Variants in RYR3 observed in about 807,000 individuals in gnomAD.
RYR3 encodes the protein brain ryanodine receptor-calcium release channel.
In RYR3, 207 loss-of-function variants were observed where a neutral mutation model predicts 584.3. The ratio of observed to expected loss-of-function variants is 0.35; its 90% CI spans 0.32 to 0.40. RYR3 has a LOEUF of 0.40. Ranked by LOEUF, RYR3 falls within the 10% of genes least tolerant of loss-of-function variation. RYR3 has a pLI of 1.00. For synonymous variants in RYR3, 2,416 were observed against 2,248.5 expected, an observed-to-expected ratio of 1.07 and a Z score of -2.11; for missense variants, 5,616 against 6,089.2, an observed-to-expected ratio of 0.92 and a Z score of 2.59.
At chr15:33,753,169 G>T (rs1231177845) in intron 57 of RYR3, among the ~76,000 whole-genome samples, 1 of 152,168 alleles carries the variant, frequency 6.6e-6, no homozygotes, top group Non-Finnish European at 1.5e-5. Context: ...GCAATTGCAG[G>T]TCTTTACAAA....
Position 33,652,785 on chromosome 15 carries a change from C to T in RYR3, c.4210C>T (p.Arg1404Trp), listed in dbSNP as rs367755953. 9.9e-6 allele frequency: 16 copies of T among 1,613,768 alleles called. No homozygotes were observed. In the East Asian group the frequency reaches 1.6e-4, roughly 16 times the overall value. The change falls in exon 32 of 104, where the codon CGG becomes TGG. Residue 1404 changes from arginine to tryptophan, a missense_variant. Physicochemically the swap from Arg to Trp is moderately radical, Grantham distance 101. Coordinates refer to ENST00000634891, the MANE Select transcript of RYR3 (RefSeq NM_001036.6). ...TGTAGCCAGTTCCCAGAGATCAAAT[C>T]GGAGCAACGTGGACCTGGAGATCGG... Reference protein sequence around the residue: ...DIVASSQRSNRSNVDLEIGCL... With the variant: ...DIVASSQRSNWSNVDLEIGCL...
chr15:33,772,598 G>A (rs1262313410), intron 63 of RYR3, among the ~76,000 whole-genome samples: 3 of 152,170 alleles, frequency 2.0e-5, no homozygotes, highest in Non-Finnish European at 2.9e-5. Flanking sequence ...TGAGCTTTCG[G>A]AAGACCAAAG....
At chr15:33,557,296 C>T (rs527544475) in intron 10 of RYR3, among the ~76,000 whole-genome samples, 23 of 152,306 alleles carry the variant, frequency 1.5e-4, no homozygotes, top group South Asian at 6.2e-4. Context: ...GGTGAATTCG[C>T]GTGATGGCAT....
intron 3 of RYR3, among the ~76,000 whole-genome samples, chr15:33,517,986 C>T (rs2053662169): frequency 6.6e-6 from 1 of 152,162 alleles, no homozygotes; most frequent in African/African-American, 2.4e-5. Flanking sequence ...TTTCATGGCA[C>T]AATTTTCTAG....
chr15:33,540,906 T>C lies in RYR3; in HGVS notation c.646+16T>C, dbSNP rs1167810461. 5 of 1,534,164 alleles carry C rather than the reference T, an allele frequency of 3.3e-6. No homozygotes were observed. The highest frequency in any genetic ancestry group is 3.3e-5 in the Admixed American group (2 of 59,828). On this transcript the variant is annotated intron_variant, in intron 7 of 103. Coordinates refer to ENST00000634891, the MANE Select transcript of RYR3 (RefSeq NM_001036.6). ...ATCGAAGAAGGTGTGCTTCTTTAAA[T>C]GCATTTAGCCCTGAGCCTGCCTATC...
chr15:33,436,015 T>G (rs1396329584), intron 1 of RYR3, among the ~76,000 whole-genome samples: 2 of 152,194 alleles, frequency 1.3e-5, no homozygotes, highest in Non-Finnish European at 2.9e-5. Context: ...GAGTTCTGAT[T>G]GGTCCATTTT....
At chr15:33,378,656 G>A (rs994301686) in intron 1 of RYR3, among the ~76,000 whole-genome samples, 154 of 152,256 alleles carry the variant, frequency 1.0e-3, no homozygotes, top group African/African-American at 3.7e-3. Context: ...TATTAGGACA[G>A]AAAGCAGATT....
At chr15:33,595,557 C>T (rs892615946) in intron 16 of RYR3, among the ~76,000 whole-genome samples, 7 of 152,012 alleles carry the variant, frequency 4.6e-5, no homozygotes, top group African/African-American at 1.7e-4. Flanking sequence ...TCTTACACAC[C>T]CACCTGTTTG....
At chr15:33,749,908 G>T in intron 55 of RYR3, 71 bp from the exon 56 acceptor site, 1 of 1,366,968 alleles carries the variant, frequency 7.3e-7, no homozygotes, top group South Asian at 1.2e-5. Context: ...TGCCTGAAAT[G>T]ACCTAGCAGC....
intron 1 of RYR3, among the ~76,000 whole-genome samples, chr15:33,401,822 T>C (rs1338397338): frequency 6.6e-6 from 1 of 152,186 alleles, no homozygotes; most frequent in Non-Finnish European, 1.5e-5. Flanking sequence ...TGTACCTATA[T>C]AAGTAATTTA....
At chr15:33,418,755 G>T (rs1384971817) in intron 1 of RYR3, among the ~76,000 whole-genome samples, 1 of 152,076 alleles carries the variant, frequency 6.6e-6, no homozygotes, top group Non-Finnish European at 1.5e-5. Flanking sequence ...ACACACTGGG[G>T]GTAGAGATAA....
chr15:33,728,430 TGAG>T (rs2068644200), intron 46 of RYR3, among the ~76,000 whole-genome samples: 2 of 152,252 alleles, frequency 1.3e-5, no homozygotes. Flanking sequence ...TTTTTAATAA[TGAG>T]CATGTTTAAC....
chr15:33,477,043 A>G (rs2049446463), intron 2 of RYR3, among the ~76,000 whole-genome samples: 1 of 152,188 alleles, frequency 6.6e-6, no homozygotes. Context: ...AACGAGCTGT[A>G]CCATTCTTAG....
chr15:33,842,154 C>T, intron 91 of RYR3, 119 bp downstream of exon 91: 2 of 1,109,028 alleles, frequency 1.8e-6, no homozygotes. Flanking sequence ...CTTTCTCATT[C>T]CTAAACTTTC....
chr15:33,539,051 A>G (rs909606122), intron 5 of RYR3: 2 of 189,494 alleles, frequency 1.1e-5, no homozygotes, highest in Admixed American at 1.2e-4. Context: ...TTGAAAGACT[A>G]TAAAAAGCAT....
At chr15:33,340,843 C>G (rs1030186199) in intron 1 of RYR3, among the ~76,000 whole-genome samples, 20 of 152,130 alleles carry the variant, frequency 1.3e-4, no homozygotes, top group Admixed American at 1.2e-3. Context: ...TAATCATGGC[C>G]CACCTATACC....
chr15:33,675,610 C>A (rs370962606), intron 38 of RYR3, among the ~76,000 whole-genome samples: 1 of 152,200 alleles, frequency 6.6e-6, no homozygotes, highest in East Asian at 1.9e-4. Flanking sequence ...GACAGCTTCT[C>A]TGTGCCTCAG....
chr15:33,465,668 C>T (rs940802609), intron 1 of RYR3: 3 of 514,340 alleles, frequency 5.8e-6, no homozygotes, highest in Non-Finnish European at 1.2e-5. Context: ...ACTCTGGCTA[C>T]TGTGTGGAGG....
At chr15:33,721,870 CTTAATCACT>C (rs1477196626) in intron 43 of RYR3, among the ~76,000 whole-genome samples, 2 of 152,156 alleles carry the variant, frequency 1.3e-5, no homozygotes, top group Non-Finnish European at 2.9e-5. Flanking sequence ...AGTTCTACCA[CTTAATCACT>C]TTATCAGGAA....
Sources: gnomAD v4.1 joint callset for allele counts (sites outside exome capture counted in the v4.1 genomes callset) on GRCh38, gnomAD v4.1.1 for gene constraint, MANE v1.5 for transcripts, NCBI Gene and HGNC (gene_info 2026-07-23, HGNC 2026-07-21) for gene names.